LYPLAL1: variants seen among roughly 807,000 people sequenced by gnomAD.
The protein encoded by LYPLAL1 is lysophospholipase like 1.
A neutral mutation model predicts 19.7 loss-of-function variants in LYPLAL1; 23 were observed. That is an observed-to-expected ratio of 1.17 (90% confidence interval 0.84 to 1.65). The LOEUF is 1.65. LYPLAL1 is among the 40% of genes most tolerant of loss of function. The pLI, the probability that LYPLAL1 is intolerant of heterozygous loss-of-function variation, is 0.00. For synonymous variants in LYPLAL1, 119 were observed against 96.3 expected (o/e 1.24, Z -1.38); for missense variants, 355 against 279.4 (o/e 1.27, Z -1.93).
At chr1:219,372,746 CA>C in the LYPLAL1 span, among the ~76,000 whole-genome samples, 2 of 151,466 alleles carry the variant, frequency 1.3e-5, no homozygotes, top group Non-Finnish European at 2.9e-5. Context: ...CAAAAAAATA[CA>C]AAAAAAATTG....
At chr1:219,231,694 C>T in the LYPLAL1 span, among the ~76,000 whole-genome samples, 6 of 152,190 alleles carry the variant, frequency 3.9e-5, no homozygotes, top group Non-Finnish European at 8.8e-5. Context: ...GGCAAAAACA[C>T]TCCCTGGGGA....
chr1:219,289,867 T>C, the LYPLAL1 span, among the ~76,000 whole-genome samples: 1 of 152,224 alleles, frequency 6.6e-6, no homozygotes, highest in African/African-American at 2.4e-5. Flanking sequence ...ATCTCTCTGA[T>C]ATTAATGCCC....
chr1:219,180,278 A>G (rs11118231), intron 2 of LYPLAL1, among the ~76,000 whole-genome samples: 147,322 of 152,332 alleles, frequency 0.97, 71,439 homozygotes, highest in East Asian at 1. Flanking sequence ...GAGGCACTGC[A>G]CCTGGCCTGT....
chr1:219,432,069 T>C, the LYPLAL1 span, among the ~76,000 whole-genome samples: 1 of 151,882 alleles, frequency 6.6e-6, no homozygotes, highest in Admixed American at 6.6e-5. Flanking sequence ...GCTGCTTTGA[T>C]TTAAGAAGAC....
chr1:219,434,467 C>T, the LYPLAL1 span, among the ~76,000 whole-genome samples: 2 of 152,174 alleles, frequency 1.3e-5, no homozygotes, highest in Admixed American at 1.3e-4. Context: ...GACTCCTAAC[C>T]ACTGGAATGA....
At chr1:219,309,370 T>A in the LYPLAL1 span, among the ~76,000 whole-genome samples, 60 of 152,204 alleles carry the variant, frequency 3.9e-4, no homozygotes, top group Non-Finnish European at 4.0e-4. Context: ...TTTGGGTCAA[T>A]GCTGAAATGA....
At chr1:219,395,021 C>T in the LYPLAL1 span, among the ~76,000 whole-genome samples, 1 of 152,170 alleles carries the variant, frequency 6.6e-6, no homozygotes, top group African/African-American at 2.4e-5. Context: ...ATCTACTCTA[C>T]CACTGAGGGT....
chr1:219,326,310 TGGGGGGTG>T, the LYPLAL1 span, among the ~76,000 whole-genome samples: 1 of 1,308 alleles, frequency 7.6e-4, no homozygotes, highest in Non-Finnish European at 1.4e-3. Context: ...GGTGGGGGGT[TGGGGGGTG>T]GGGGGGCATT....
At chr1:219,423,090 T>C in the LYPLAL1 span, among the ~76,000 whole-genome samples, 1 of 152,146 alleles carries the variant, frequency 6.6e-6, no homozygotes, top group Non-Finnish European at 1.5e-5. Flanking sequence ...ATGTTTTTGC[T>C]CACAGAGTTC....
the LYPLAL1 span, among the ~76,000 whole-genome samples, chr1:219,303,923 C>A: frequency 6.6e-6 from 1 of 152,094 alleles, no homozygotes; most frequent in African/African-American, 2.4e-5. Context: ...ATTTATTGCT[C>A]CATTGCAATT....
At chr1:219,297,832 T>C in the LYPLAL1 span, among the ~76,000 whole-genome samples, 20 of 152,310 alleles carry the variant, frequency 1.3e-4, no homozygotes, top group South Asian at 2.7e-3. Context: ...AACAAACTTT[T>C]AGTTGGTAAA....
chr1:219,290,770 T>G, the LYPLAL1 span, among the ~76,000 whole-genome samples: 1 of 152,204 alleles, frequency 6.6e-6, no homozygotes, highest in Non-Finnish European at 1.5e-5. Flanking sequence ...GAACCCTCTC[T>G]TGCAGTCTGG....
At chr1:219,311,824 A>T in the LYPLAL1 span, among the ~76,000 whole-genome samples, 260 of 152,202 alleles carry the variant, frequency 1.7e-3, no homozygotes, top group Non-Finnish European at 1.4e-3. Flanking sequence ...TCTATATTTC[A>T]TGTAACTTTC....
intron 2 of LYPLAL1, among the ~76,000 whole-genome samples, chr1:219,190,632 A>AAAAAAC (rs1553299323): frequency 6.7e-6 from 1 of 150,158 alleles, no homozygotes; most frequent in African/African-American, 2.4e-5. Flanking sequence ...TAAAAAAAAA[A>AAAAAAC]AAAAAAAAAA....
At chr1:219,409,031 C>T in the LYPLAL1 span, among the ~76,000 whole-genome samples, 6 of 151,988 alleles carry the variant, frequency 3.9e-5, no homozygotes, top group Admixed American at 1.3e-4. Flanking sequence ...AAATTTAAGC[C>T]ACAGAAATGA....
chr1:219,350,586 G>T, the LYPLAL1 span, among the ~76,000 whole-genome samples: 1 of 152,220 alleles, frequency 6.6e-6, no homozygotes, highest in Non-Finnish European at 1.5e-5. Flanking sequence ...GCAAAGTGTA[G>T]AGCTGAGCAG....
the LYPLAL1 span, among the ~76,000 whole-genome samples, chr1:219,245,803 A>G: frequency 1.2e-3 from 190 of 152,330 alleles, no homozygotes; most frequent in Non-Finnish European, 2.3e-3. Context: ...ATTTCATCCT[A>G]TAATGAATTT....
chr1:219,247,764 C>T, the LYPLAL1 span, among the ~76,000 whole-genome samples: 1 of 152,162 alleles, frequency 6.6e-6, no homozygotes, highest in African/African-American at 2.4e-5. Flanking sequence ...TGGCTTCTGG[C>T]ATATGAGTTC....
At chr1:219,317,538 A>G in the LYPLAL1 span, among the ~76,000 whole-genome samples, 1 of 152,316 alleles carries the variant, frequency 6.6e-6, no homozygotes, top group Non-Finnish European at 1.5e-5. Context: ...GTAGTTATAT[A>G]TATGAACCCT....
Sources: allele counts gnomAD v4.1 joint callset (sites outside exome capture counted in the v4.1 genomes callset), GRCh38; gene constraint gnomAD v4.1.1; transcripts MANE v1.5; gene names NCBI Gene and HGNC (gene_info 2026-07-23, HGNC 2026-07-21).